Variants in P2RX7 observed in about 807,000 individuals in gnomAD.
The protein encoded by P2RX7 is purinergic receptor P2X 7.
In P2RX7, 62 loss-of-function variants were observed where a neutral mutation model predicts 71.6. The ratio of observed to expected loss-of-function variants is 0.87; its 90% CI spans 0.71 to 1.07. The LOEUF is 1.07. Among genes scored for constraint, P2RX7 ranks in the 50% least tolerant of loss-of-function variants. The pLI is 0.00. For missense variants in P2RX7, 686 were observed against 748.5 expected (o/e 0.92, Z 0.97); for synonymous variants, 299 against 283.3 (o/e 1.06, Z -0.56).
At chr12:121,139,385 A>G (rs1209132767) in intron 1 of P2RX7, among the ~76,000 whole-genome samples, 8 of 152,222 alleles carry the variant, frequency 5.3e-5, no homozygotes, top group Admixed American at 4.6e-4. Context: ...TCCAATGGCC[A>G]CAGAAGACTA....
intron 9 of P2RX7, 45 bp downstream of exon 9, chr12:121,175,523 T>C: frequency 1.2e-6 from 1 of 864,290 alleles, no homozygotes; most frequent in Non-Finnish European, 2.0e-6. Context: ...CCTATGACTG[T>C]GTCCTAATTA....
intron 5 of P2RX7, among the ~76,000 whole-genome samples, chr12:121,162,962 G>T (rs1457488716): frequency 6.6e-6 from 1 of 150,832 alleles, no homozygotes; most frequent in African/African-American, 2.5e-5. Flanking sequence ...AAGCAAAAGG[G>T]GTGAGGGTAA....
At chr12:121,136,876 T>G (rs1873824419) in intron 1 of P2RX7, among the ~76,000 whole-genome samples, 1 of 152,060 alleles carries the variant, frequency 6.6e-6, no homozygotes, top group Admixed American at 6.6e-5. Flanking sequence ...CTTGAACTCC[T>G]GAGCTCAAGC....
intron 7 of P2RX7, among the ~76,000 whole-genome samples, chr12:121,167,052 CAAA>C (rs528766613): frequency 5.0e-4 from 57 of 114,466 alleles, no homozygotes; most frequent in African/African-American, 5.1e-4. Context: ...AACTCCATCT[CAAA>C]AAAAAAAAAA....
chr12:121,153,533 CA>C (rs1473319347), intron 1 of P2RX7, among the ~76,000 whole-genome samples: 3 of 152,004 alleles, frequency 2.0e-5, no homozygotes, highest in African/African-American at 7.3e-5. Flanking sequence ...CAAAAATTAG[CA>C]AAGTGTGGTG....
chr12:121,159,540 G>T (rs979275610), intron 3 of P2RX7, among the ~76,000 whole-genome samples: 7 of 151,980 alleles, frequency 4.6e-5, no homozygotes, highest in Admixed American at 4.6e-4. Context: ...ATATACCTGG[G>T]TCCAAGACCT....
At chr12:121,178,848 T>C (rs1883621093) in intron 11 of P2RX7, among the ~76,000 whole-genome samples, 1 of 148,282 alleles carries the variant, frequency 6.7e-6, no homozygotes, top group African/African-American at 2.5e-5. Flanking sequence ...CTCCAAGACA[T>C]TTTGTTAAAA....
rs969002401 is a variant in P2RX7 at position 121,175,488 on chromosome 12, G to A, written c.972+10G>A. On this transcript the variant is annotated intron_variant, in intron 9 of 12. Transcript: ENST00000328963. The stretch of plus-strand genomic sequence containing the variant: ...CCTGGTTTTTGGCACCGTAAGTCTC[G>A]TTTCCCAGCTCCGGGCACCGGCATC... 8.7e-6 allele frequency: 10 copies of A among 1,148,466 alleles called. 1 individual carries two copies. The highest frequency in any genetic ancestry group is 1.9e-4 in the Middle Eastern group (1 of 5,202). The allele number at this position is 1,148,466 out of a possible 1,614,324, so 71.1% of individuals were successfully genotyped here. A position where few individuals can be genotyped will look rare whatever the true frequency, so the allele number is the denominator to read the frequency against.
chr12:121,162,232 T>G (rs1879870180), intron 4 of P2RX7, 192 bp from the exon 5 acceptor site: 18 of 1,388,818 alleles, frequency 1.3e-5, no homozygotes, highest in Non-Finnish European at 1.7e-5. Context: ...CTTTATTATG[T>G]TTTGCTTGTT....
intron 4 of P2RX7, 56 bp from the exon 5 acceptor site, chr12:121,162,368 C>G: frequency 6.2e-7 from 1 of 1,603,352 alleles, no homozygotes; most frequent in Non-Finnish European, 8.5e-7. Context: ...TCCTGGAGAA[C>G]GTCCTCTCCG....
intron 3 of P2RX7, among the ~76,000 whole-genome samples, chr12:121,157,643 G>T (rs952547031): frequency 1.5e-4 from 23 of 152,142 alleles, no homozygotes; most frequent in Admixed American, 9.8e-4. Context: ...AGACACTTTT[G>T]GACTTATTGA....
At chr12:121,139,267 A>G (rs1381068748) in intron 1 of P2RX7, among the ~76,000 whole-genome samples, 1 of 152,214 alleles carries the variant, frequency 6.6e-6, no homozygotes, top group Non-Finnish European at 1.5e-5. Context: ...TTTTATTCCA[A>G]GTGGGTTGAG....
chr12:121,177,217 G>C lies in P2RX7; in HGVS notation c.1038+5G>C. The C allele has an allele frequency of 6.2e-7, 1 of 1,614,206 alleles. No homozygotes were observed. Among genetic ancestry groups the C allele is most frequent in the Non-Finnish European group, 8.5e-7 (1 of 1,180,038 alleles). ...ACCCTCTCCTACTTCGGTCTGGTAA[G>C]AGATTCTCTTTTCCATGCTTTAGGA... On this transcript the variant is annotated splice_donor_5th_base_variant and intron_variant, in intron 10 of 12. Coordinates refer to ENST00000328963, the MANE Select transcript of P2RX7 (RefSeq NM_002562.6).
chr12:121,156,567 C>G (rs1878619839), intron 3 of P2RX7, among the ~76,000 whole-genome samples: 1 of 152,180 alleles, frequency 6.6e-6, no homozygotes, highest in African/African-American at 2.4e-5. Flanking sequence ...GTGACTTCCC[C>G]CAGGGTCACA....
intron 1 of P2RX7, among the ~76,000 whole-genome samples, chr12:121,150,753 A>G (rs550140860): frequency 1.3e-5 from 2 of 152,318 alleles, no homozygotes; most frequent in African/African-American, 4.8e-5. Context: ...TACTAAAAAT[A>G]CAAAAATTAG....
intron 1 of P2RX7, among the ~76,000 whole-genome samples, chr12:121,146,797 A>G (rs1205315888): frequency 6.6e-6 from 1 of 152,214 alleles, no homozygotes; most frequent in Non-Finnish European, 1.5e-5. Context: ...GACAGTGAGC[A>G]CAGTGTTGAG....
At chr12:121,165,542 T>A in intron 6 of P2RX7, 105 bp downstream of exon 6, 2 of 878,616 alleles carry the variant, frequency 2.3e-6, no homozygotes, top group Non-Finnish European at 3.7e-6. Context: ...TCTCCCACGG[T>A]TTCTGTGGGT....
chr12:121,179,011 G>A (rs1883648744), intron 11 of P2RX7, among the ~76,000 whole-genome samples: 2 of 151,872 alleles, frequency 1.3e-5, no homozygotes. Context: ...ACATATGTGT[G>A]GGTGTATATA....
rs1356994209 is a variant in P2RX7 at position 121,149,486 on chromosome 12, T to C, written c.126-5299T>C. ...TACATGGTGGCAGGCAAAAAGTGAA[T>C]GACAACCAAGCAAAAGAAGAAACCT... On this transcript the variant is annotated intron_variant, in intron 1 of 12. Coordinates refer to ENST00000328963, the MANE Select transcript of P2RX7 (RefSeq NM_002562.6). This position sits in a 1 kb window ranked among gnomAD's most constrained non-coding sequence, Gnocchi z 4.7. Among the ~76,000 whole-genome samples the C allele has an allele frequency of 6.6e-6, 1 of 152,088 alleles. No homozygotes were observed. Among genetic ancestry groups the C allele is most frequent in the Non-Finnish European group, 1.5e-5 (1 of 68,026 alleles).
Sources: gnomAD v4.1 joint callset for allele counts (sites outside exome capture counted in the v4.1 genomes callset) on GRCh38, gnomAD v4.1.1 for gene constraint, Gnocchi (gnomAD v3.1) non-coding constraint, MANE v1.5 for transcripts, NCBI Gene and HGNC (gene_info 2026-07-23, HGNC 2026-07-21) for gene names.